The following ANKRD45 variants were observed in gnomAD, a reference collection of about 807,000 sequenced individuals.
ANKRD45 encodes the protein ankyrin repeat domain-containing protein 45.
A neutral mutation model predicts 28.1 loss-of-function variants in ANKRD45; 21 were observed. The ratio of observed to expected loss-of-function variants is 0.75; its 90% CI spans 0.53 to 1.08. The LOEUF (loss-of-function observed/expected upper bound fraction) is 1.08, where lower values mean the gene tolerates loss of function less well. Among genes scored for constraint, ANKRD45 ranks in the 50% least tolerant of loss-of-function variants. ANKRD45 has a pLI of 0.00. For missense variants in ANKRD45, 261 were observed against 308.7 expected, an observed-to-expected ratio of 0.85 and a Z score of 1.16; for synonymous variants, 86 against 103.9, an observed-to-expected ratio of 0.83 and a Z score of 1.05.
chr1:173,635,541 C>T (rs1309798321), intron 3 of ANKRD45: 46 of 1,528,276 alleles, frequency 3.0e-5, no homozygotes, highest in East Asian at 9.8e-5. Context: ...CAAAGACTAC[C>T]GCTGATTTTT....
At chr1:173,668,539 AT>A (rs1362475349) in intron 1 of ANKRD45, among the ~76,000 whole-genome samples, 1 of 152,222 alleles carries the variant, frequency 6.6e-6, no homozygotes, top group Non-Finnish European at 1.5e-5. Flanking sequence ...CCCATAACTG[AT>A]TCCGTGAGCC....
chr1:173,613,679 G>A (rs543267131), intron 5 of ANKRD45, among the ~76,000 whole-genome samples: 103 of 135,856 alleles, frequency 7.6e-4, no homozygotes, highest in South Asian at 1.3e-3. Context: ...CCGCCGCCCC[G>A]TCCGGGAGGT....
At chr1:173,641,609 C>A (rs1668703051) in intron 3 of ANKRD45, among the ~76,000 whole-genome samples, 1 of 152,184 alleles carries the variant, frequency 6.6e-6, no homozygotes, top group Admixed American at 6.6e-5. Context: ...TTACTGGACA[C>A]TCTGCCTTAT....
At chr1:173,711,064 C>T in the ANKRD45 span, among the ~76,000 whole-genome samples, 2 of 152,126 alleles carry the variant, frequency 1.3e-5, no homozygotes, top group African/African-American at 4.8e-5. Context: ...GTGGGTCTCA[C>T]CTACAACTAA....
the ANKRD45 span, among the ~76,000 whole-genome samples, chr1:173,696,447 G>C: frequency 6.6e-6 from 1 of 152,134 alleles, no homozygotes; most frequent in Non-Finnish European, 1.5e-5. Flanking sequence ...GTAAATTTTT[G>C]TCTATGGTGA....
the ANKRD45 span, among the ~76,000 whole-genome samples, chr1:173,677,532 T>C: frequency 6.6e-6 from 1 of 152,150 alleles, no homozygotes; most frequent in African/African-American, 2.4e-5. Flanking sequence ...TCTTCCTCAA[T>C]AGTCCCTGGA....
chr1:173,636,010 G>A (rs888462021), intron 3 of ANKRD45, among the ~76,000 whole-genome samples: 1 of 152,010 alleles, frequency 6.6e-6, no homozygotes, highest in Non-Finnish European at 1.5e-5. Context: ...GCTCATACTA[G>A]GTGTTCAACA....
chr1:173,643,178 T>C (rs1259138624), intron 3 of ANKRD45, among the ~76,000 whole-genome samples: 1 of 150,280 alleles, frequency 6.7e-6, no homozygotes, highest in African/African-American at 2.5e-5. Flanking sequence ...AGAATTTTTT[T>C]TTTTTTTTTT....
the ANKRD45 span, among the ~76,000 whole-genome samples, chr1:173,691,604 T>G: frequency 3.3e-5 from 5 of 152,070 alleles, no homozygotes; most frequent in Non-Finnish European, 5.9e-5. Context: ...GCTAACACGG[T>G]GAAACCCCGT....
At chr1:173,628,397 G>A (rs921320571) in intron 3 of ANKRD45, among the ~76,000 whole-genome samples, 1 of 151,816 alleles carries the variant, frequency 6.6e-6, no homozygotes, top group Non-Finnish European at 1.5e-5. Context: ...CCAGAGGAGA[G>A]CCCACTGCCC....
At chr1:173,624,172 G>A (rs1039979108) in intron 5 of ANKRD45, among the ~76,000 whole-genome samples, 2 of 152,090 alleles carry the variant, frequency 1.3e-5, no homozygotes, top group African/African-American at 4.8e-5. Flanking sequence ...TATCTCCCAG[G>A]AGGAGATGCC....
In ANKRD45 at chr1:173,613,478, G is replaced by A. The variant is rs995669290; in HGVS notation, c.731-3263C>T. On this transcript the variant is annotated intron_variant, in intron 5 of 5. Coordinates refer to ENST00000333279, the MANE Select transcript of ANKRD45 (RefSeq NM_198493.3). ...GGGAGGTGGGGGGCAGCCCCCGCCC[G>A]GCCAGCCGCCCCGTCCGGGAGGGAG... Among the ~76,000 whole-genome samples, 7 of 148,326 alleles carry A rather than the reference G, an allele frequency of 4.7e-5. No homozygotes were observed. The South Asian group carries it at 8.5e-4, about 18-fold the overall frequency.
At chr1:173,667,984 G>C (rs76564929) in intron 1 of ANKRD45, among the ~76,000 whole-genome samples, 3,859 of 152,128 alleles carry the variant, frequency 0.025, 64 homozygotes, top group Non-Finnish European at 0.037. Flanking sequence ...TTTTGTTCTG[G>C]AAAATATTTT....
At chr1:173,669,114 A>T (rs1229892293) in intron 1 of ANKRD45, among the ~76,000 whole-genome samples, 1 of 152,254 alleles carries the variant, frequency 6.6e-6, no homozygotes, top group Non-Finnish European at 1.5e-5. Flanking sequence ...CAAGTAAATC[A>T]GCAATGACAG....
intron 5 of ANKRD45, among the ~76,000 whole-genome samples, chr1:173,611,323 T>A (rs1667138853): frequency 6.6e-6 from 1 of 152,174 alleles, no homozygotes; most frequent in African/African-American, 2.4e-5. Context: ...TAGATTATCT[T>A]TTCAGGTATG....
Position 173,608,888 on chromosome 1 carries a change from GGGAGGGGAGAGGAAGGGAGA to G in ANKRD45, c.*1237_*1256del, listed in dbSNP as rs1667031370. Among the ~76,000 whole-genome samples the G allele has an allele frequency of 1.1e-5, 1 of 91,186 alleles. No homozygotes were observed. The highest frequency in any genetic ancestry group is 2.2e-5 in the Non-Finnish European group (1 of 45,112). The allele number at this position is 91,186 out of a possible 152,430, so 59.8% of individuals were successfully genotyped here. A position where few individuals can be genotyped will look rare whatever the true frequency, so the allele number is the denominator to read the frequency against. ...GGGAGGGGAGGGGAGAGGAAGGGAG[GGGAGGGGAGAGGAAGGGAGA>G]GGAAGGGAGGGGAAGGGAGGGGAAG... On this transcript the variant is annotated 3_prime_UTR_variant, in exon 6 of 6. Transcript: ENST00000333279.
At chr1:173,660,520 C>G (rs187237990) in intron 1 of ANKRD45, among the ~76,000 whole-genome samples, 17 of 152,276 alleles carry the variant, frequency 1.1e-4, no homozygotes, top group Admixed American at 1.1e-3. Context: ...ATTTCCTTAC[C>G]TTGAATGTGG....
intron 3 of ANKRD45, among the ~76,000 whole-genome samples, chr1:173,643,888 T>C (rs1259986732): frequency 1.3e-5 from 2 of 152,218 alleles, no homozygotes. Context: ...TGGGCTATTA[T>C]GGATTACGAA....
At chr1:173,623,084 G>A (rs1266798425) in intron 5 of ANKRD45, among the ~76,000 whole-genome samples, 1 of 151,852 alleles carries the variant, frequency 6.6e-6, no homozygotes, top group Admixed American at 6.6e-5. Flanking sequence ...GGGAGACTGA[G>A]GTGGGCGGAC....
Sources: gnomAD v4.1 joint callset for allele counts (sites outside exome capture counted in the v4.1 genomes callset) on GRCh38, gnomAD v4.1.1 for gene constraint, MANE v1.5 for transcripts, NCBI Gene and HGNC (gene_info 2026-07-23, HGNC 2026-07-21) for gene names.